The following SLC17A8 variants were observed in gnomAD, a reference collection of about 807,000 sequenced individuals.
SLC17A8 encodes the protein solute carrier family 17 member 8.
Under a neutral mutation model 58.0 loss-of-function variants are expected in SLC17A8, and 31 were observed. That is an observed-to-expected ratio of 0.53 (90% confidence interval 0.40 to 0.72). SLC17A8 has a LOEUF of 0.72. Among genes scored for constraint, SLC17A8 ranks in the 30% least tolerant of loss-of-function variants. The pLI is 0.00. For synonymous variants in SLC17A8, 228 were observed against 249.0 expected, an observed-to-expected ratio of 0.92 and a Z score of 0.79; for missense variants, 655 against 727.8, an observed-to-expected ratio of 0.90 and a Z score of 1.15.
At chr12:100,404,502 GCACACACACACA>G (rs4015906) in intron 9 of SLC17A8, 2 of 232,900 alleles carry the variant, frequency 8.6e-6, no homozygotes, top group African/African-American at 2.3e-5. Context: ...TGGGATATAT[GCACACACACACA>G]CACACACACA....
intron 1 of SLC17A8, among the ~76,000 whole-genome samples, chr12:100,372,867 T>C (rs1952567784): frequency 6.6e-6 from 1 of 152,140 alleles, no homozygotes; most frequent in African/African-American, 2.4e-5. Flanking sequence ...GCCCAGCCAG[T>C]AAATGGATTT....
At chr12:100,400,791 A>C (rs1008367103) in intron 5 of SLC17A8, among the ~76,000 whole-genome samples, 1 of 152,022 alleles carries the variant, frequency 6.6e-6, no homozygotes, top group East Asian at 1.9e-4. Context: ...ATCTTTCCCT[A>C]CCAGACGTCC....
chr12:100,406,342 C>T (rs145285030), intron 9 of SLC17A8, among the ~76,000 whole-genome samples: 102 of 152,180 alleles, frequency 6.7e-4, no homozygotes, highest in African/African-American at 2.3e-3. Flanking sequence ...GTGCAATGAC[C>T]CTGGGGCAGG....
chr12:100,357,626 C>T (rs1437729961), intron 1 of SLC17A8, 134 bp downstream of exon 1: 4 of 697,222 alleles, frequency 5.7e-6, no homozygotes, highest in Non-Finnish European at 1.0e-5. Context: ...CTTCTGGAGC[C>T]CCTTCTAGCT....
Position 100,420,766 on chromosome 12 carries a change from T to A in SLC17A8, c.*607T>A, listed in dbSNP as rs1335200860. On this transcript the variant is annotated 3_prime_UTR_variant, in exon 12 of 12. Transcript: ENST00000323346. ...AATAGGTGGCAGTTTTAGGGAAGAT[T>A]TCCATTCAGTGTAGGGAAGACATTT... 6.5e-6 allele frequency: 1 copy of A among 154,816 alleles called. No homozygotes were observed. The highest frequency in any genetic ancestry group is 1.4e-5 in the Non-Finnish European group (1 of 69,682). 9.6% of individuals were successfully genotyped at this position (154,816 alleles called of 1,614,324 possible).
chr12:100,415,943 C>T (rs991417391), intron 10 of SLC17A8, among the ~76,000 whole-genome samples: 2 of 152,196 alleles, frequency 1.3e-5, no homozygotes, highest in Non-Finnish European at 2.9e-5. Flanking sequence ...TCAGAATCTA[C>T]TGTCTGCCAA....
At chr12:100,379,548 T>C (rs901331541) in intron 1 of SLC17A8, among the ~76,000 whole-genome samples, 8 of 152,326 alleles carry the variant, frequency 5.3e-5, no homozygotes, top group African/African-American at 1.9e-4. Context: ...TATTTATCAC[T>C]GCATTTAATA....
At chr12:100,401,126 T>C (rs1171709054) in intron 5 of SLC17A8, among the ~76,000 whole-genome samples, 1 of 150,154 alleles carries the variant, frequency 6.7e-6, no homozygotes, top group East Asian at 2.0e-4. Context: ...GCCGCCCAAG[T>C]AGCTGGGATT....
chr12:100,402,452 A>C lies in SLC17A8; in HGVS notation c.876A>C (p.Gly292=), dbSNP rs1952798326. The C allele has an allele frequency of 1.2e-6, 2 of 1,614,052 alleles. No individual in the cohort carries two copies. The highest frequency in any genetic ancestry group is 1.7e-5 in the Admixed American group (1 of 60,006). Residue 292 remains glycine (G), a synonymous_variant, in exon 7 of 12, where the codon GGA becomes GGC. Transcript: ENST00000323346. ...AGACCTATATAGAGACAAGCATAGG[A>C]GAGGGGGCCAACGTGGTTAGTCTAA... ...EEKTYIETSI[G]EGANVVSLSK...
chr12:100,401,775 A>T lies in SLC17A8; in HGVS notation c.677-2A>T. 1 of 1,612,348 alleles carries T rather than the reference A, an allele frequency of 6.2e-7. No individual in the cohort carries two copies. The highest frequency in any genetic ancestry group is 8.5e-7 in the Non-Finnish European group (1 of 1,178,462). On this transcript the variant is annotated splice_acceptor_variant, in intron 5 of 11. Coordinates refer to ENST00000323346, the MANE Select transcript of SLC17A8 (RefSeq NM_139319.3). LOFTEE classifies it high-confidence loss of function. ...GATTCCCTCAATCTTTTCTTGTTCC[A>T]GGTTCCTATGCAGGGGCAGTGGTTG... is the stretch of plus-strand genomic sequence containing the variant.
intron 1 of SLC17A8, among the ~76,000 whole-genome samples, chr12:100,364,540 G>A (rs554872356): frequency 4.6e-5 from 7 of 152,292 alleles, no homozygotes; most frequent in African/African-American, 1.7e-4. Context: ...CTCTAGCACT[G>A]GGTGGCTGAG....
chr12:100,388,056 T>A lies in SLC17A8; in HGVS notation c.355-2945T>A, dbSNP rs181529087. Among the ~76,000 whole-genome samples the A allele has an allele frequency of 3.4e-3, 514 of 152,188 alleles. 2 individuals carry two copies. The highest frequency in any genetic ancestry group is 0.018 in the South Asian group (88 of 4,810). ...CTCCTCATTCATTACCCTCCAGCTG[T>A]ACTGACATACTGCTTTTCCTCTAAC... On this transcript the variant is annotated intron_variant, in intron 2 of 11. Transcript: ENST00000323346.
intron 1 of SLC17A8, among the ~76,000 whole-genome samples, chr12:100,370,791 T>C (rs932518195): frequency 2.0e-5 from 3 of 152,108 alleles, no homozygotes; most frequent in African/African-American, 7.2e-5. Context: ...CCTGCTGAGG[T>C]AAGAAGCAGT....
At chr12:100,408,680 C>T (rs1265742796) in intron 9 of SLC17A8, among the ~76,000 whole-genome samples, 1 of 152,032 alleles carries the variant, frequency 6.6e-6, no homozygotes, top group Non-Finnish European at 1.5e-5. Context: ...ACTGATGTAT[C>T]ATTTGTAAGT....
Position 100,414,429 on chromosome 12 carries a change from CCT to C in SLC17A8, c.1297+1552_1297+1553del, listed in dbSNP as rs1237866295. Among the ~76,000 whole-genome samples, 7 of 152,100 alleles carry C rather than the reference CCT, an allele frequency of 4.6e-5. No homozygotes were observed. In the East Asian group the frequency reaches 1.4e-3, roughly 29 times the overall value. On this transcript the variant is annotated intron_variant, in intron 10 of 11. Coordinates refer to ENST00000323346, the MANE Select transcript of SLC17A8 (RefSeq NM_139319.3). ...AGATGCATAGACCTGGGTTTGAGGC[CCT>C]CTTTACTATTTACTATTTATAAAAT...
At chr12:100,380,257 G>A (rs577439973) in intron 1 of SLC17A8, among the ~76,000 whole-genome samples, 2 of 151,294 alleles carry the variant, frequency 1.3e-5, no homozygotes, top group South Asian at 4.2e-4. Context: ...TATCAGCTGG[G>A]TCGAGCAATG....
chr12:100,364,541 G>C (rs1012606865), intron 1 of SLC17A8, among the ~76,000 whole-genome samples: 1 of 152,168 alleles, frequency 6.6e-6, no homozygotes, highest in Non-Finnish European at 1.5e-5. Context: ...TCTAGCACTG[G>C]GTGGCTGAGG....
intron 2 of SLC17A8, among the ~76,000 whole-genome samples, chr12:100,381,857 T>G (rs941972536): frequency 2.0e-5 from 3 of 152,240 alleles, no homozygotes; most frequent in African/African-American, 7.2e-5. Context: ...GGTCTAACAT[T>G]TACTCTGATT....
chr12:100,362,105 G>A (rs1254377240), intron 1 of SLC17A8, among the ~76,000 whole-genome samples: 1 of 152,210 alleles, frequency 6.6e-6, no homozygotes, highest in African/African-American at 2.4e-5. Flanking sequence ...AAGTGGGGCA[G>A]CCTTTTATAT....
Sources: allele counts gnomAD v4.1 joint callset (sites outside exome capture counted in the v4.1 genomes callset), GRCh38; gene constraint gnomAD v4.1.1; transcripts MANE v1.5; gene names NCBI Gene and HGNC (gene_info 2026-07-23, HGNC 2026-07-21).